The following STARD8 variants were observed in gnomAD, a reference collection of about 807,000 sequenced individuals.
STARD8 encodes stAR-related lipid transfer protein 8.
A neutral mutation model predicts 69.4 loss-of-function variants in STARD8; 25 were observed. That is an observed-to-expected ratio of 0.36 (90% CI 0.26 to 0.50). STARD8 has a LOEUF of 0.50. Among genes scored for constraint, STARD8 ranks in the 20% least tolerant of loss-of-function variants. The pLI, the probability that STARD8 is intolerant of heterozygous loss-of-function variation, is 0.96. For missense variants in STARD8, 921 were observed against 932.5 expected, an observed-to-expected ratio of 0.99 and a Z score of 0.16; for synonymous variants, 389 against 374.6, an observed-to-expected ratio of 1.04 and a Z score of -0.45.
At chrX:68,659,289 T>C (rs2079630167) in intron 1 of STARD8, among the ~76,000 whole-genome samples, 1 of 112,040 alleles carries the variant, frequency 8.9e-6, no homozygotes, top group Admixed American at 9.4e-5. Flanking sequence ...TGTTTTTTCA[T>C]CTATAAAATG....
chrX:68,663,484 C>T (rs1026020657), intron 1 of STARD8, among the ~76,000 whole-genome samples: 1 of 112,118 alleles, frequency 8.9e-6, no homozygotes, highest in African/African-American at 3.2e-5. Context: ...GAAGGTCACT[C>T]ATTTGCAACC....
In STARD8 at chrX:68,718,403, A is replaced by G. The variant is rs1195413325; in HGVS notation, c.1489A>G (p.Ser497Gly). Residue 497 changes from serine (S) to glycine (G), a missense_variant, in exon 6 of 15, where the codon AGT becomes GGT. Ser to Gly is a moderately conservative substitution (Grantham distance 56). Coordinates refer to ENST00000374599, the MANE Select transcript of STARD8 (RefSeq NM_001142503.3). ...PAPAPAPAQD[S>G]EQEAHSGGEP... ...CCCGGCCCCGGCCCCAGCCCAGGAC[A>G]GTGAGCAGGAGGCACATTCAGGCGG... 8.3e-7 allele frequency: 1 copy of G among 1,208,133 alleles called. No homozygotes were observed. The highest frequency in any genetic ancestry group is 1.1e-6 in the Non-Finnish European group (1 of 894,113).
chrX:68,693,529 T>G, intron 2 of STARD8: 8 of 510,119 alleles, frequency 1.6e-5, no homozygotes, highest in Non-Finnish European at 1.9e-5. Context: ...CCCACCCAGA[T>G]TTGGGTGACT....
intron 2 of STARD8, among the ~76,000 whole-genome samples, chrX:68,668,027 T>G (rs143103111): frequency 4.5e-3 from 495 of 110,791 alleles, no homozygotes; most frequent in Non-Finnish European, 6.9e-3. Flanking sequence ...GACAGTTGTA[T>G]ATAATAATTT....
chrX:68,668,052 C>CT (rs1391126453), intron 2 of STARD8, among the ~76,000 whole-genome samples: 16 of 95,352 alleles, frequency 1.7e-4, no homozygotes, highest in African/African-American at 5.7e-4. Flanking sequence ...CTTTCTCTCT[C>CT]TTTCTTTTCT....
At chrX:68,703,132 C>T (rs965057473) in intron 2 of STARD8, among the ~76,000 whole-genome samples, 2 of 111,240 alleles carry the variant, frequency 1.8e-5, no homozygotes, top group Admixed American at 1.9e-4. Flanking sequence ...TGGTGGTGCA[C>T]GCCTGTAGTC....
chrX:68,684,892 G>C (rs778929873), intron 2 of STARD8, among the ~76,000 whole-genome samples: 13 of 112,725 alleles, frequency 1.2e-4, no homozygotes, highest in African/African-American at 4.2e-4. Context: ...CCCACATGAA[G>C]AATGCATTCA....
At chrX:68,719,450 G>A (rs778834067) in intron 7 of STARD8, 52 bp downstream of exon 7, 1 of 1,103,802 alleles carries the variant, frequency 9.1e-7, no homozygotes, top group East Asian at 3.2e-5. Flanking sequence ...TCAGGTCCAC[G>A]TCCCCAGGCA....
chrX:68,657,191 T>A (rs1325226828), intron 1 of STARD8, among the ~76,000 whole-genome samples: 1 of 111,600 alleles, frequency 9.0e-6, no homozygotes, highest in African/African-American at 3.3e-5. Context: ...CTGGGGAGAA[T>A]GATAACTCCT....
At chrX:68,690,022 G>GTTTTGTTTTGT (rs200192096) in intron 2 of STARD8, among the ~76,000 whole-genome samples, 1 of 105,000 alleles carries the variant, frequency 9.5e-6, no homozygotes, top group African/African-American at 3.8e-5. Context: ...GTTTTGTTTT[G>GTTTTGTTTTGT]TTTGTTTGTT....
At chrX:68,677,679 C>T (rs1012884791) in intron 2 of STARD8, among the ~76,000 whole-genome samples, 1 of 111,553 alleles carries the variant, frequency 9.0e-6, no homozygotes, top group Non-Finnish European at 1.9e-5. Context: ...AAATGCTGCT[C>T]CTCCACCAAG....
chrX:68,679,449 A>T (rs1398753623), intron 2 of STARD8, among the ~76,000 whole-genome samples: 1 of 111,783 alleles, frequency 8.9e-6, no homozygotes, highest in African/African-American at 3.3e-5. Context: ...AGCAAATAAC[A>T]TGCCCAAGGT....
chrX:68,700,687 A>G lies in STARD8; in HGVS notation c.80-12227A>G, dbSNP rs778351525. 3.0e-3 allele frequency among the ~76,000 whole-genome samples: 338 copies of G among 112,154 alleles called. 1 individual carries two copies. The highest frequency in any genetic ancestry group is 5.2e-3 in the Non-Finnish European group (279 of 53,192). ...AGCTTGTGGGAAGAGCTTGTCCCCA[A>G]ACATCTGTCCTGAGCAGTGCCCACA... On this transcript the variant is annotated intron_variant, in intron 2 of 14. Transcript: ENST00000374599.
chrX:68,724,502 C>CAGGGGGCTG lies in STARD8; in HGVS notation c.*80_*81insAGGGGGCTG. 1.2e-6 allele frequency: 1 copy of CAGGGGGCTG among 861,375 alleles called. No homozygotes were observed. Among genetic ancestry groups the CAGGGGGCTG allele is most frequent in the Non-Finnish European group, 1.7e-6 (1 of 605,176 alleles). 71.0% of individuals were successfully genotyped at this position (861,375 alleles called of 1,213,427 possible). ...CGAGGGGGAATAAGAGCAGGGCAGC[C>CAGGGGGCTG]CCCTGGGTGCCGCTGTCAGGAGCAG... On this transcript the variant is annotated 3_prime_UTR_variant, in exon 15 of 15. Transcript: ENST00000374599.
At chrX:68,703,005 A>G (rs1026567736) in intron 2 of STARD8, among the ~76,000 whole-genome samples, 5 of 111,741 alleles carry the variant, frequency 4.5e-5, no homozygotes, top group Non-Finnish European at 9.4e-5. Context: ...TCACACCAGC[A>G]ATTTGGAAGG....
chrX:68,686,852 A>G (rs1569360329), intron 2 of STARD8, among the ~76,000 whole-genome samples: 1 of 110,598 alleles, frequency 9.0e-6, no homozygotes, highest in Non-Finnish European at 1.9e-5. Flanking sequence ...CTTCGTCCCC[A>G]CCCACCTCTG....
At chrX:68,650,270 T>G (rs188919384) in intron 1 of STARD8, among the ~76,000 whole-genome samples, 1 of 107,942 alleles carries the variant, frequency 9.3e-6, no homozygotes, top group African/African-American at 3.4e-5. Flanking sequence ...ATAAAAAAAA[T>G]TTGCTGGGCA....
At chrX:68,668,274 C>CTTTCTTTCTT (rs1287993380) in intron 2 of STARD8, among the ~76,000 whole-genome samples, 1 of 66,745 alleles carries the variant, frequency 1.5e-5, no homozygotes, top group Non-Finnish European at 2.7e-5. Flanking sequence ...TTCTTTCTTT[C>CTTTCTTTCTT]TCTTTCTTTC....
rs1376344194 is a variant in STARD8, at chrX:68,661,966, CTCTCTCTTTCTTTCTT to C, written c.46-3529_46-3514del. Among the ~76,000 whole-genome samples, 513 of 71,842 alleles carry C rather than the reference CTCTCTCTTTCTTTCTT, an allele frequency of 7.1e-3. 3 individuals carry two copies. Among genetic ancestry groups the C allele is most frequent in the African/African-American group, 9.3e-3 (114 of 12,313 alleles). 62.4% of individuals were successfully genotyped at this position (71,842 alleles called of 115,157 possible). ...CCTTCCTCTCTCTCTCTCTCTCTCTCTCTCTCTTTCTTTCTTTCTTTCTTTCTTTCTTTCTTTCTTT... is the reference window on the plus strand; with the variant it reads ...CCTTCCTCTCTCTCTCTCTCTCTCTCTCTTTCTTTCTTTCTTTCTTTCTTT... On this transcript the variant is annotated intron_variant, in intron 1 of 14. Coordinates refer to ENST00000374599, the MANE Select transcript of STARD8 (RefSeq NM_001142503.3).
Sources: allele counts gnomAD v4.1 joint callset (sites outside exome capture counted in the v4.1 genomes callset), GRCh38; gene constraint gnomAD v4.1.1; transcripts MANE v1.5; gene names NCBI Gene and HGNC (gene_info 2026-07-23, HGNC 2026-07-21).